Variants in CCDC13 observed in about 807,000 individuals in gnomAD.
CCDC13 encodes the protein coiled-coil domain containing 13, also known as coiled-coil domain-containing protein 13.
In CCDC13, 70 loss-of-function variants were observed where a neutral mutation model predicts 87.3. The ratio of observed to expected loss-of-function variants is 0.80; its 90% CI spans 0.66 to 0.98. The LOEUF (loss-of-function observed/expected upper bound fraction) is 0.98, where lower values mean the gene tolerates loss of function less well. Ranked by LOEUF, CCDC13 falls within the 50% of genes least tolerant of loss-of-function variation. CCDC13 has a pLI of 0.00. For synonymous variants in CCDC13, 317 were observed against 360.3 expected (o/e 0.88, Z 1.36); for missense variants, 842 against 892.0 (o/e 0.94, Z 0.71).
At position 42,735,723 on chromosome 3, in the gene CCDC13, C is replaced by A. The variant is rs1355803624; in HGVS notation, c.1355G>T (p.Gly452Val). The A allele has an allele frequency of 2.5e-6, 4 of 1,614,172 alleles. No homozygotes were observed. In the Admixed American group the frequency reaches 5.0e-5, roughly 20 times the overall value. Residue 452 changes from glycine to valine, a missense_variant, in exon 10 of 16, where the codon GGA becomes GTA. By Grantham distance (109) the Gly-to-Val change is moderately radical (BLOSUM62 -3). Coordinates refer to ENST00000310232, the MANE Select transcript of CCDC13 (RefSeq NM_144719.4). The part of the protein sequence containing the change: ...AKVRQLEMEI[G>V]QLNVHYLRNK... ...CCTACTCACGTGCACATTGAGTTGT[C>A]CGATCTCCATCTCCAGCTGTCGCAC...
chr3:42,721,946 T>C (rs1698572683), intron 13 of CCDC13, among the ~76,000 whole-genome samples: 1 of 152,204 alleles, frequency 6.6e-6, no homozygotes, highest in South Asian at 2.1e-4. Context: ...TGGGCATGTA[T>C]TGGAATTGGC....
rs576709834 is a variant in CCDC13 at position 42,765,819 on chromosome 3, C to A, written c.-7+7357G>T. Among the ~76,000 whole-genome samples, 5 of 152,196 alleles carry A rather than the reference C, an allele frequency of 3.3e-5. No individual in the cohort carries two copies. In the East Asian group the frequency reaches 9.7e-4, roughly 30 times the overall value. ...CAGAGAATGTGATGAGTGTGGGGAA[C>A]TATGAAAGGTTCAGAATGGCCAGAG... On this transcript the variant is annotated intron_variant, in intron 1 of 15. Coordinates refer to ENST00000310232, the MANE Select transcript of CCDC13 (RefSeq NM_144719.4).
At chr3:42,721,645 CTA>C (rs1263077016) in intron 13 of CCDC13, among the ~76,000 whole-genome samples, 1 of 152,200 alleles carries the variant, frequency 6.6e-6, no homozygotes, top group Non-Finnish European at 1.5e-5. Flanking sequence ...AATTTGGAAA[CTA>C]TGTGTGAGTA....
chr3:42,751,862 C>T, intron 5 of CCDC13, 74 bp downstream of exon 5: 4 of 1,376,998 alleles, frequency 2.9e-6, no homozygotes, highest in Non-Finnish European at 3.1e-6. Flanking sequence ...GAGGTACCTA[C>T]ACACCTGTGG....
At chr3:42,739,217 A>T (rs1307244378) in intron 9 of CCDC13, among the ~76,000 whole-genome samples, 2 of 152,186 alleles carry the variant, frequency 1.3e-5, no homozygotes, top group African/African-American at 2.4e-5. Flanking sequence ...CCTAGAAGTT[A>T]TCTTAGGGAC....
chr3:42,752,447 C>T (rs753699890), intron 4 of CCDC13, 128 bp downstream of exon 4: 61 of 1,175,646 alleles, frequency 5.2e-5, no homozygotes, highest in East Asian at 7.1e-5. Context: ...CCATATACTG[C>T]GTGACTTGAG....
At chr3:42,735,117 C>T (rs1350237696) in intron 10 of CCDC13, among the ~76,000 whole-genome samples, 8 of 152,160 alleles carry the variant, frequency 5.3e-5, no homozygotes, top group South Asian at 2.1e-4. Flanking sequence ...CCTGGGGCTT[C>T]CTGGAGGAGC....
chr3:42,747,725 G>A lies in CCDC13; in HGVS notation c.604-352C>T, dbSNP rs112749148. On this transcript the variant is annotated intron_variant, in intron 5 of 15. Transcript: ENST00000310232. Reference sequence around the variant, plus strand: ...TAGAGGTGAAGCATCTGGAGGAAGCGGCAGGCTCCACGCCTCCCAGACACT... The same window carrying A: ...TAGAGGTGAAGCATCTGGAGGAAGCAGCAGGCTCCACGCCTCCCAGACACT... Among the ~76,000 whole-genome samples, 870 of 152,326 alleles carry A rather than the reference G, an allele frequency of 5.7e-3. 13 individuals carry two copies. Among genetic ancestry groups the A allele is most frequent in the South Asian group, 0.024 (117 of 4,832 alleles).
intron 3 of CCDC13, among the ~76,000 whole-genome samples, chr3:42,754,654 C>A (rs938903227): frequency 1.3e-5 from 2 of 152,142 alleles, no homozygotes; most frequent in African/African-American, 4.8e-5. Context: ...TGGTAGCAAG[C>A]ATATTGGGGA....
chr3:42,715,356 G>A (rs539831129), intron 13 of CCDC13, among the ~76,000 whole-genome samples: 8 of 151,438 alleles, frequency 5.3e-5, no homozygotes, highest in South Asian at 2.1e-4. Context: ...GATGGCTCAC[G>A]CCTGTGCTTT....
At chr3:42,705,623 C>T (rs548845283), downstream of CCDC13, among the ~76,000 whole-genome samples, 5 of 152,336 alleles carry the variant, frequency 3.3e-5, no homozygotes, top group East Asian at 7.7e-4. Context: ...CAACTACCTC[C>T]TCGTGGATCT....
intron 14 of CCDC13, 57 bp from the exon 15 acceptor site, chr3:42,709,855 C>T: frequency 7.6e-7 from 1 of 1,311,492 alleles, no homozygotes. Flanking sequence ...TGCTAGCACC[C>T]TGCTTCTCCT....
chr3:42,704,397 G>A (rs895655166), downstream of CCDC13: 1 of 152,210 alleles, frequency 6.6e-6, no homozygotes, highest in African/African-American at 2.4e-5. Flanking sequence ...GAGCTGGTGT[G>A]ACCCACTTCT....
At chr3:42,772,135 G>A (rs1466466222) in intron 1 of CCDC13, among the ~76,000 whole-genome samples, 1 of 151,838 alleles carries the variant, frequency 6.6e-6, no homozygotes, top group African/African-American at 2.4e-5. Context: ...AGCCAGGCAT[G>A]GTGGCGGGCG....
intron 1 of CCDC13, among the ~76,000 whole-genome samples, chr3:42,765,749 T>A (rs554593323): frequency 1.3e-5 from 2 of 152,198 alleles, no homozygotes; most frequent in East Asian, 3.9e-4. Flanking sequence ...GAAGGGACGG[T>A]GCCTGAGTGG....
At position 42,713,210 on chromosome 3, in the gene CCDC13, G is replaced by C. The variant is rs765734392; in HGVS notation, c.1825C>G (p.Pro609Ala). ...EQHLEKIRLE[P>A]GKASASQRAA... ...CTCTGGGAGGCTGATGCCTTCCCTG[G>C]CTCCAGGCGTATCTTCTCCAGATGT... The change falls in exon 14 of 16, where the codon CCA (proline) becomes GCA (alanine). Residue 609 changes from proline (P) to alanine (A), a missense_variant. Pro to Ala is a conservative substitution (Grantham distance 27). Transcript: ENST00000310232. 2 of 1,614,172 alleles carry C rather than the reference G, an allele frequency of 1.2e-6. No homozygotes were observed. The highest frequency in any genetic ancestry group is 1.7e-6 in the Non-Finnish European group (2 of 1,180,000).
At position 42,762,516 on chromosome 3, in the gene CCDC13, C is replaced by T. The variant is rs941033675; in HGVS notation, c.-6-4165G>A. Among the ~76,000 whole-genome samples the T allele has an allele frequency of 3.3e-5, 5 of 152,174 alleles. No homozygotes were observed. The East Asian group carries it at 7.7e-4, about 23-fold the overall frequency. Reference sequence around the variant, plus strand: ...GAGTGACTAAGGTCAACTGTACCTACGTAACCATCTCCTAATAAAAACCCT... The same window carrying T: ...GAGTGACTAAGGTCAACTGTACCTATGTAACCATCTCCTAATAAAAACCCT... On this transcript the variant is annotated intron_variant, in intron 1 of 15. Coordinates refer to ENST00000310232, the MANE Select transcript of CCDC13 (RefSeq NM_144719.4).
chr3:42,730,847 G>T (rs943351071), intron 12 of CCDC13, among the ~76,000 whole-genome samples: 10 of 152,110 alleles, frequency 6.6e-5, no homozygotes, highest in Non-Finnish European at 1.3e-4. Context: ...TCCAAGCCCT[G>T]TGGGGGCCTG....
intron 3 of CCDC13, 55 bp from the exon 4 acceptor site, chr3:42,752,772 T>G (rs1299190118): frequency 1.6e-5 from 26 of 1,597,478 alleles, no homozygotes; most frequent in Non-Finnish European, 1.9e-5. Flanking sequence ...CACATCAAAC[T>G]CATGCTCCAC....
Sources: allele counts gnomAD v4.1 joint callset (sites outside exome capture counted in the v4.1 genomes callset), GRCh38; gene constraint gnomAD v4.1.1; transcripts MANE v1.5; gene names NCBI Gene and HGNC (gene_info 2026-07-23, HGNC 2026-07-21).